AK3: variants seen among roughly 807,000 people sequenced by gnomAD.
The protein encoded by AK3 is adenylate kinase 3.
A neutral mutation model predicts 23.7 loss-of-function variants in AK3; 27 were observed. The ratio of observed to expected loss-of-function variants is 1.14; its 90% CI spans 0.84 to 1.57. The LOEUF (loss-of-function observed/expected upper bound fraction) is 1.57, where lower values mean the gene tolerates loss of function less well. AK3 is among the 40% of genes most tolerant of loss of function. AK3 has a pLI of 0.00. For missense variants in AK3, 406 were observed against 285.6 expected (o/e 1.42, Z -3.04); for synonymous variants, 159 against 116.0 (o/e 1.37, Z -2.38).
At chr9:4,734,676 T>C (rs72695870) in intron 1 of AK3, among the ~76,000 whole-genome samples, 18 of 152,362 alleles carry the variant, frequency 1.2e-4, no homozygotes, top group Non-Finnish European at 2.4e-4. Flanking sequence ...CTTACCTTTT[T>C]AAAATTGTTC....
intron 1 of AK3, among the ~76,000 whole-genome samples, chr9:4,728,858 T>TACACAC (rs1210103111): frequency 5.6e-4 from 40 of 71,914 alleles, no homozygotes; most frequent in Non-Finnish European, 7.9e-4. Context: ...TATATATATA[T>TACACAC]ATATATATAC....
chr9:4,736,944 T>G (rs1448620460), intron 1 of AK3, among the ~76,000 whole-genome samples: 1 of 152,238 alleles, frequency 6.6e-6, no homozygotes, highest in East Asian at 1.9e-4. Flanking sequence ...TCCCAAAGTG[T>G]TGAGATTACA....
At chr9:4,714,652 TG>T (rs1841671764) in intron 4 of AK3, among the ~76,000 whole-genome samples, 1 of 152,176 alleles carries the variant, frequency 6.6e-6, no homozygotes, top group African/African-American at 2.4e-5. Flanking sequence ...TCCTAAATCG[TG>T]GGTGAACATT....
intron 1 of AK3, among the ~76,000 whole-genome samples, chr9:4,725,699 A>G (rs1266336042): frequency 6.6e-6 from 1 of 152,250 alleles, no homozygotes; most frequent in African/African-American, 2.4e-5. Flanking sequence ...AGGAATTTGT[A>G]TCTAGAATAT....
chr9:4,732,376 G>T (rs1482606482), intron 1 of AK3, among the ~76,000 whole-genome samples: 1 of 152,152 alleles, frequency 6.6e-6, no homozygotes, highest in Non-Finnish European at 1.5e-5. Context: ...CTGGTCAACA[G>T]TAGGCTATTT....
chr9:4,735,905 G>C (rs1298194038), intron 1 of AK3, among the ~76,000 whole-genome samples: 1 of 151,856 alleles, frequency 6.6e-6, no homozygotes, highest in African/African-American at 2.4e-5. Context: ...ACTTGAGGTA[G>C]GAAGTTCGAG....
At chr9:4,731,978 C>G (rs1467651974) in intron 1 of AK3, among the ~76,000 whole-genome samples, 2 of 152,190 alleles carry the variant, frequency 1.3e-5, no homozygotes, top group Non-Finnish European at 2.9e-5. Flanking sequence ...GAGACATGGT[C>G]TCACTCTGAC....
intron 4 of AK3, among the ~76,000 whole-genome samples, chr9:4,714,862 C>G (rs1311856745): frequency 6.6e-6 from 1 of 152,116 alleles, no homozygotes; most frequent in Non-Finnish European, 1.5e-5. Flanking sequence ...AACATTCTTG[C>G]AAATAAACTT....
rs80079134 is a variant in AK3 at position 4,733,855 on chromosome 9, T to A, written c.151+7082A>T. On this transcript the variant is annotated intron_variant, in intron 1 of 4. Transcript: ENST00000381809. ...ACTCAAGCCGCATGGTAAGCTCTTA[T>A]TGATTTTTCAACACACACCCTAAAC... Among the ~76,000 whole-genome samples the A allele has an allele frequency of 6.9e-3, 1,052 of 152,248 alleles. 27 individuals carry two copies. In the East Asian group the frequency reaches 0.081, roughly 12 times the overall value.
At chr9:4,737,657 C>T (rs1428003169) in intron 1 of AK3, among the ~76,000 whole-genome samples, 1 of 152,038 alleles carries the variant, frequency 6.6e-6, no homozygotes, top group Admixed American at 6.6e-5. Context: ...AGTCGGAGGT[C>T]GCAGTAAGCC....
At chr9:4,740,666 C>A (rs1842407414) in intron 1 of AK3, among the ~76,000 whole-genome samples, 1 of 152,170 alleles carries the variant, frequency 6.6e-6, no homozygotes, top group Admixed American at 6.5e-5. Context: ...TGAAACAAAG[C>A]CCGGTGGTTT....
At chr9:4,724,752 C>T (rs1007909186) in intron 1 of AK3, among the ~76,000 whole-genome samples, 1 of 149,864 alleles carries the variant, frequency 6.7e-6, no homozygotes, top group Non-Finnish European at 1.5e-5. Context: ...GCACTCCCGC[C>T]TGGGCAACGG....
Position 4,709,885 on chromosome 9 carries a change from G to A in AK3, c.*3091C>T, listed in dbSNP as rs1322961439. 1 of 152,032 alleles carries A rather than the reference G, an allele frequency of 6.6e-6. No individual in the cohort carries two copies. Among genetic ancestry groups the A allele is most frequent in the African/African-American group, 2.4e-5 (1 of 41,388 alleles). The allele number at this position is 152,032 out of a possible 1,614,324, so 9.4% of individuals were successfully genotyped here. Reference sequence around the variant, plus strand: ...ATATTCTAAAATACAAATTCTTGCTGTTGGTTGCAACTATAGCAATTTAAC... The same window carrying A: ...ATATTCTAAAATACAAATTCTTGCTATTGGTTGCAACTATAGCAATTTAAC... On this transcript the variant is annotated 3_prime_UTR_variant, in exon 5 of 5. Coordinates refer to ENST00000381809, the MANE Select transcript of AK3 (RefSeq NM_016282.4).
chr9:4,725,136 G>C (rs1841994342), intron 1 of AK3, among the ~76,000 whole-genome samples: 1 of 149,146 alleles, frequency 6.7e-6, no homozygotes, highest in Non-Finnish European at 1.5e-5. Context: ...TGATTCTCCT[G>C]CCTCAGCCTC....
chr9:4,738,236 G>T (rs939697356), intron 1 of AK3, among the ~76,000 whole-genome samples: 10 of 152,116 alleles, frequency 6.6e-5, no homozygotes, highest in African/African-American at 2.4e-4. Flanking sequence ...CGCCATCTCG[G>T]CTCGCTGCAA....
chr9:4,726,916 G>A (rs960896185), intron 1 of AK3, among the ~76,000 whole-genome samples: 3 of 152,072 alleles, frequency 2.0e-5, no homozygotes, highest in Non-Finnish European at 4.4e-5. Flanking sequence ...TGGATGTTGT[G>A]TCAGCAGGCA....
At chr9:4,736,340 AAC>A (rs1436262916) in intron 1 of AK3, among the ~76,000 whole-genome samples, 3 of 152,130 alleles carry the variant, frequency 2.0e-5, no homozygotes, top group Admixed American at 1.3e-4. Context: ...TGTTTTAAAA[AAC>A]ACATACACAA....
chr9:4,716,271 A>C (rs1318176740), intron 4 of AK3, among the ~76,000 whole-genome samples: 1 of 152,196 alleles, frequency 6.6e-6, no homozygotes, highest in East Asian at 1.9e-4. Flanking sequence ...ACCCACAAAC[A>C]TAGCTTCTTG....
chr9:4,729,714 C>A (rs565785435), intron 1 of AK3, among the ~76,000 whole-genome samples: 12 of 151,766 alleles, frequency 7.9e-5, no homozygotes, highest in African/African-American at 2.9e-4. Flanking sequence ...GTAGTCCCAG[C>A]TACTTGGGAG....
Sources: allele counts gnomAD v4.1 joint callset (sites outside exome capture counted in the v4.1 genomes callset), GRCh38; gene constraint gnomAD v4.1.1; transcripts MANE v1.5; gene names NCBI Gene and HGNC (gene_info 2026-07-23, HGNC 2026-07-21).